MYT1L: variants seen among roughly 807,000 people sequenced by gnomAD.
MYT1L encodes the protein myelin transcription factor 1-like protein.
A neutral mutation model predicts 126.7 loss-of-function variants in MYT1L; 12 were observed. That is an observed-to-expected ratio of 0.09 (90% CI 0.06 to 0.15). MYT1L has a LOEUF of 0.15. Among genes scored for constraint, MYT1L ranks in the 10% least tolerant of loss-of-function variants. MYT1L has a pLI of 1.00. For synonymous variants in MYT1L, 541 were observed against 604.2 expected (o/e 0.90, Z 1.53); for missense variants, 979 against 1,585.2 (o/e 0.62, Z 6.49).
chr2:1,948,328 T>C (rs1253904159), intron 8 of MYT1L, among the ~76,000 whole-genome samples: 6 of 152,158 alleles, frequency 3.9e-5, no homozygotes, highest in Non-Finnish European at 7.3e-5. Flanking sequence ...TACAGTCGTA[T>C]CCCCAACTAC....
intron 2 of MYT1L, among the ~76,000 whole-genome samples, chr2:2,188,331 C>T (rs2092352497): frequency 6.6e-6 from 1 of 152,128 alleles, no homozygotes; most frequent in African/African-American, 2.4e-5. Flanking sequence ...TGCTATGCAC[C>T]TGGATGTGGA....
At chr2:1,878,022 C>T (rs1260526306) in intron 18 of MYT1L, among the ~76,000 whole-genome samples, 2 of 152,210 alleles carry the variant, frequency 1.3e-5, no homozygotes, top group African/African-American at 2.4e-5. Flanking sequence ...TTAATTACGT[C>T]GGGTTTATTT....
intron 8 of MYT1L, among the ~76,000 whole-genome samples, chr2:1,974,225 A>C (rs2060012428): frequency 6.6e-6 from 1 of 152,098 alleles, no homozygotes; most frequent in African/African-American, 2.4e-5. Flanking sequence ...TGGTGGCTGG[A>C]CACCAGGTTT....
rs755681828 is a variant in MYT1L, at chr2:2,131,807, ACT to A, written c.-304+41063_-304+41064del. ...AGTGAGAACTCGGTCATGTAACCTCACTCTGTGCTGCACAGAGACTACTCTCT... is the reference window on the plus strand; with the variant it reads ...AGTGAGAACTCGGTCATGTAACCTCACTGTGCTGCACAGAGACTACTCTCT... On this transcript the variant is annotated intron_variant, in intron 3 of 24. Coordinates refer to ENST00000647738, the MANE Select transcript of MYT1L (RefSeq NM_001303052.2). 2.3e-3 allele frequency among the ~76,000 whole-genome samples: 344 copies of A among 148,486 alleles called. 2 individuals are homozygous for A. The highest frequency in any genetic ancestry group is 3.8e-3 in the Non-Finnish European group (255 of 67,358).
At chr2:1,921,202 T>G (rs1189987787) in intron 10 of MYT1L, among the ~76,000 whole-genome samples, 2 of 152,228 alleles carry the variant, frequency 1.3e-5, no homozygotes, top group Non-Finnish European at 2.9e-5. Flanking sequence ...ATAAAAAACA[T>G]AAAAGGATCT....
chr2:1,830,346 T>C (rs923629273), intron 21 of MYT1L, among the ~76,000 whole-genome samples: 4 of 152,222 alleles, frequency 2.6e-5, no homozygotes, highest in African/African-American at 9.6e-5. Context: ...TTCAGGCTGC[T>C]GTGAGGATTA....
chr2:2,203,591 C>A (rs1298553985), intron 2 of MYT1L, among the ~76,000 whole-genome samples: 1 of 151,604 alleles, frequency 6.6e-6, no homozygotes, highest in East Asian at 2.0e-4. Context: ...CTACAAACCA[C>A]TGCTCAATGA....
intron 2 of MYT1L, among the ~76,000 whole-genome samples, chr2:2,186,743 AT>A (rs1201744858): frequency 6.6e-6 from 1 of 152,238 alleles, no homozygotes; most frequent in East Asian, 1.9e-4. Flanking sequence ...TAATTAACAG[AT>A]TGTTATAAAA....
chr2:2,183,723 G>A (rs1257752301), intron 2 of MYT1L, among the ~76,000 whole-genome samples: 1 of 151,262 alleles, frequency 6.6e-6, no homozygotes, highest in Non-Finnish European at 1.5e-5. Flanking sequence ...AAATACTTTG[G>A]AGATATAACT....
chr2:2,001,593 A>G (rs1326092641), intron 4 of MYT1L, among the ~76,000 whole-genome samples: 3 of 152,206 alleles, frequency 2.0e-5, no homozygotes, highest in Admixed American at 6.5e-5. Flanking sequence ...ACAACTGTAT[A>G]AAGTGGGTGT....
At chr2:1,947,273 T>C (rs2057316968) in intron 8 of MYT1L, among the ~76,000 whole-genome samples, 1 of 152,200 alleles carries the variant, frequency 6.6e-6, no homozygotes, top group South Asian at 2.1e-4. Flanking sequence ...CTTTTCAAGA[T>C]GGCTCACTTG....
intron 3 of MYT1L, among the ~76,000 whole-genome samples, chr2:2,093,309 G>C (rs1310431132): frequency 2.6e-5 from 4 of 151,394 alleles, no homozygotes; most frequent in Non-Finnish European, 5.9e-5. Context: ...CAGCGGAGCA[G>C]GGGGTGGGGC....
rs145133418 is a variant in MYT1L, at chr2:1,989,001, T to TA, written c.-1+8189_-1+8190insT. Among the ~76,000 whole-genome samples the TA allele has an allele frequency of 3.0e-3, 460 of 152,284 alleles. 2 individuals are homozygous for TA. Among genetic ancestry groups the TA allele is most frequent in the African/African-American group, 0.011 (445 of 41,552 alleles). On this transcript the variant is annotated intron_variant, in intron 5 of 24. Transcript: ENST00000647738. ...GATGAAGTCCTCTGGGTACTGTTGA[T>TA]TACCTTCTCATAATACCAAATATTA...
intron 3 of MYT1L, among the ~76,000 whole-genome samples, chr2:2,089,227 T>C (rs1558974284): frequency 6.6e-6 from 1 of 152,344 alleles, no homozygotes; most frequent in Non-Finnish European, 1.5e-5. Flanking sequence ...TTTGCTCTAT[T>C]GTTAAGGCAA....
chr2:1,955,552 C>A (rs1019685933), intron 8 of MYT1L, among the ~76,000 whole-genome samples: 1 of 152,162 alleles, frequency 6.6e-6, no homozygotes, highest in African/African-American at 2.4e-5. Context: ...AAGCAAAATA[C>A]AAGCTGTTGC....
chr2:1,973,313 T>C (rs2059941541), intron 8 of MYT1L, among the ~76,000 whole-genome samples: 1 of 152,244 alleles, frequency 6.6e-6, no homozygotes, highest in East Asian at 1.9e-4. Flanking sequence ...ATTTTGATTA[T>C]TCCTATTTCT....
At chr2:2,167,224 C>G (rs371585406) in intron 3 of MYT1L, among the ~76,000 whole-genome samples, 1 of 152,146 alleles carries the variant, frequency 6.6e-6, no homozygotes. Context: ...ATATGAAACC[C>G]CCAGGTTTTG....
intron 4 of MYT1L, among the ~76,000 whole-genome samples, chr2:2,042,770 C>T (rs964222113): frequency 6.6e-6 from 1 of 152,194 alleles, no homozygotes. Flanking sequence ...ATCTGCCCTT[C>T]GTCTCTAAGC....
chr2:2,216,910 A>C (rs1487296489), intron 2 of MYT1L, among the ~76,000 whole-genome samples: 1 of 152,120 alleles, frequency 6.6e-6, no homozygotes, highest in Non-Finnish European at 1.5e-5. Flanking sequence ...TTAATGAATA[A>C]ATTCAATAAC....
Sources: gnomAD v4.1 joint callset for allele counts (sites outside exome capture counted in the v4.1 genomes callset) on GRCh38, gnomAD v4.1.1 for gene constraint, MANE v1.5 for transcripts, NCBI Gene and HGNC (gene_info 2026-07-23, HGNC 2026-07-21) for gene names.